CDH11: variants seen among roughly 807,000 people sequenced by gnomAD.
CDH11 encodes the protein cadherin-11.
A neutral mutation model predicts 67.8 loss-of-function variants in CDH11; 11 were observed. That is an observed-to-expected ratio of 0.16 (90% CI 0.10 to 0.27). The LOEUF (loss-of-function observed/expected upper bound fraction) is 0.27. Among genes scored for constraint, CDH11 ranks in the 10% least tolerant of loss-of-function variants. The pLI is 1.00. For missense variants in CDH11, 847 were observed against 1,031.2 expected (o/e 0.82, Z 2.45); for synonymous variants, 419 against 400.0 (o/e 1.05, Z -0.57).
rs1374446649 is a variant in CDH11 at position 64,947,231 on chromosome 16, A to C, written c.*372T>G. ...ACAGCTCAGAACTGTTGTCCTTTCT[A>C]ATTTTGTGGAAGCTTCTTTGACAAC... On this transcript the variant is annotated 3_prime_UTR_variant, in exon 13 of 13. Transcript: ENST00000268603. 1 of 1,099,968 alleles carries C rather than the reference A, an allele frequency of 9.1e-7. No homozygotes were observed. Among genetic ancestry groups the C allele is most frequent in the Non-Finnish European group, 1.1e-6 (1 of 899,394 alleles). 68.1% of individuals were successfully genotyped at this position (1,099,968 alleles called of 1,614,324 possible). A position where few individuals can be genotyped will look rare whatever the true frequency, so the allele number is the denominator to read the frequency against.
intron 8 of CDH11, among the ~76,000 whole-genome samples, chr16:64,974,288 G>A (rs2072101041): frequency 1.3e-5 from 2 of 152,148 alleles, no homozygotes; most frequent in African/African-American, 4.8e-5. Flanking sequence ...AGCTTCATAA[G>A]TGTGTGGTTT....
intron 2 of CDH11, among the ~76,000 whole-genome samples, chr16:65,046,141 G>C (rs2073958423): frequency 6.6e-6 from 1 of 152,200 alleles, no homozygotes; most frequent in Non-Finnish European, 1.5e-5. Flanking sequence ...CAGGCGCTTT[G>C]ATCTTTCAAA....
At chr16:65,026,912 G>A (rs2073544930) in intron 2 of CDH11, among the ~76,000 whole-genome samples, 1 of 152,178 alleles carries the variant, frequency 6.6e-6, no homozygotes, top group Non-Finnish European at 1.5e-5. Context: ...CTGTAGGAAG[G>A]CAGCCAGACG....
intron 1 of CDH11, among the ~76,000 whole-genome samples, chr16:65,097,181 T>C (rs1483039915): frequency 6.6e-6 from 1 of 152,196 alleles, no homozygotes; most frequent in East Asian, 1.9e-4. Flanking sequence ...TTGTAAGTTT[T>C]CAAAATTGAT....
chr16:65,085,015 T>C (rs940008530), intron 1 of CDH11, among the ~76,000 whole-genome samples: 43 of 152,338 alleles, frequency 2.8e-4, no homozygotes, highest in African/African-American at 1.0e-3. Context: ...GTTCAAGCAA[T>C]TCTCCTGTCT....
intron 7 of CDH11, chr16:64,986,842 T>C (rs1199665184): frequency 6.6e-6 from 1 of 152,098 alleles, no homozygotes; most frequent in Non-Finnish European, 1.5e-5. Flanking sequence ...TATAATATTT[T>C]CCCCAACCCC....
At chr16:65,097,681 G>A (rs570729913) in intron 1 of CDH11, among the ~76,000 whole-genome samples, 1 of 152,206 alleles carries the variant, frequency 6.6e-6, no homozygotes, top group Admixed American at 6.5e-5. Flanking sequence ...CATACACAAA[G>A]AAGAGCACAG....
At chr16:65,092,474 G>A (rs2074808355) in intron 1 of CDH11, among the ~76,000 whole-genome samples, 1 of 152,124 alleles carries the variant, frequency 6.6e-6, no homozygotes, top group Non-Finnish European at 1.5e-5. Context: ...TCTATTCTTG[G>A]CTGTTAGAGG....
chr16:65,093,850 A>G (rs180967058), intron 1 of CDH11, among the ~76,000 whole-genome samples: 7 of 152,310 alleles, frequency 4.6e-5, no homozygotes, highest in African/African-American at 1.7e-4. Context: ...TGAATGTCAA[A>G]ATATGAAAGC....
chr16:64,945,837 T>C lies in CDH11; in HGVS notation c.*1766A>G. 2 of 1,051,748 alleles carry C rather than the reference T, an allele frequency of 1.9e-6. No homozygotes were observed. Among genetic ancestry groups the C allele is most frequent in the Non-Finnish European group, 2.3e-6 (2 of 870,826 alleles). The allele number at this position is 1,051,748 out of a possible 1,614,324, so 65.2% of individuals were successfully genotyped here. ...AAATGCTTGAAACAAACTTTCACAATAAAGTCAGAAAAAAACTGTAAAAAT... is the reference window on the plus strand; with the variant it reads ...AAATGCTTGAAACAAACTTTCACAACAAAGTCAGAAAAAAACTGTAAAAAT... On this transcript the variant is annotated 3_prime_UTR_variant, in exon 13 of 13. Coordinates refer to ENST00000268603, the MANE Select transcript of CDH11 (RefSeq NM_001797.4).
chr16:65,046,991 C>T (rs1320756617), intron 2 of CDH11, among the ~76,000 whole-genome samples: 2 of 152,076 alleles, frequency 1.3e-5, no homozygotes, highest in East Asian at 1.9e-4. Context: ...TGCCTGTAGT[C>T]CCAGTTACTC....
At chr16:65,098,010 C>T (rs934023466) in intron 1 of CDH11, among the ~76,000 whole-genome samples, 9 of 152,148 alleles carry the variant, frequency 5.9e-5, no homozygotes, top group Non-Finnish European at 1.5e-5. Context: ...ATTGGAGTAA[C>T]ACAAGGATGG....
At chr16:64,997,169 G>A (rs773308554) in intron 4 of CDH11, among the ~76,000 whole-genome samples, 5 of 151,742 alleles carry the variant, frequency 3.3e-5, no homozygotes, top group African/African-American at 7.3e-5. Context: ...GCGTGGTGGC[G>A]CGCTCCTGTA....
At chr16:64,964,316 G>A (rs558350492) in intron 11 of CDH11, among the ~76,000 whole-genome samples, 1 of 152,204 alleles carries the variant, frequency 6.6e-6, no homozygotes, top group South Asian at 2.1e-4. Flanking sequence ...TATACAGTAT[G>A]TTACTCTGTT....
chr16:65,067,597 T>C (rs1212171010), intron 1 of CDH11, among the ~76,000 whole-genome samples: 1 of 151,148 alleles, frequency 6.6e-6, no homozygotes, highest in Non-Finnish European at 1.5e-5. Flanking sequence ...GAAATGGAGC[T>C]CATTCATTGT....
chr16:64,950,275 A>AG (rs913454952), intron 12 of CDH11, among the ~76,000 whole-genome samples: 33 of 152,206 alleles, frequency 2.2e-4, no homozygotes, highest in African/African-American at 7.7e-4. Context: ...TAATTAGTGG[A>AG]GGGGTTAGAG....
chr16:65,100,574 T>C (rs1004092786), intron 1 of CDH11, among the ~76,000 whole-genome samples: 2 of 151,696 alleles, frequency 1.3e-5, no homozygotes, highest in Non-Finnish European at 2.9e-5. Context: ...CCGTCTCTAC[T>C]AAAAATCCAA....
rs992858265 is a variant in CDH11 at position 64,971,985 on chromosome 16, G to T, written c.1470C>A (p.Ala490=). 4.3e-6 allele frequency: 7 copies of T among 1,613,758 alleles called. No individual in the cohort carries two copies. Among genetic ancestry groups the T allele is most frequent in the Non-Finnish European group, 5.9e-6 (7 of 1,179,812 alleles). The stretch of plus-strand genomic sequence containing the variant: ...TCTCACAGATGAAACCTTCATAAGG[G>T]GCAGCAAACTTGGGAGCATTATCGT... ...DVNDNAPKFA[A]PYEGFICESD... is the part of the protein sequence containing the mutation. Residue 490 remains alanine (A), a synonymous_variant, in exon 10 of 13, where the codon GCC becomes GCA. Coordinates refer to ENST00000268603, the MANE Select transcript of CDH11 (RefSeq NM_001797.4).
Position 65,037,226 on chromosome 16 carries a change from A to G in CDH11, c.-173+16578T>C, listed in dbSNP as rs563882563. 3.3e-5 allele frequency among the ~76,000 whole-genome samples: 5 copies of G among 152,322 alleles called. No individual in the cohort carries two copies. The South Asian group carries it at 1.0e-3, about 32-fold the overall frequency. ...CACTTACCAGCTGTGTGGCATCAAG[A>G]AAATCATTCAGACTTTCAGCCTCTG... is the stretch of plus-strand genomic sequence containing the variant. On this transcript the variant is annotated intron_variant, in intron 2 of 12. Transcript: ENST00000268603.
Sources: allele counts gnomAD v4.1 joint callset (sites outside exome capture counted in the v4.1 genomes callset), GRCh38; gene constraint gnomAD v4.1.1; transcripts MANE v1.5; gene names NCBI Gene and HGNC (gene_info 2026-07-23, HGNC 2026-07-21).